Variants in PCDH10 observed in about 807,000 individuals in gnomAD.
PCDH10 encodes the protein protocadherin-10.
In PCDH10, 15 loss-of-function variants were observed where a neutral mutation model predicts 74.4. The ratio of observed to expected loss-of-function variants is 0.20; its 90% CI spans 0.13 to 0.31. PCDH10 has a LOEUF of 0.31. PCDH10 is among the 10% of genes least tolerant of loss of function. PCDH10 has a pLI of 1.00. For missense variants in PCDH10, 1,260 were observed against 1,390.2 expected (o/e 0.91, Z 1.49); for synonymous variants, 619 against 589.8 (o/e 1.05, Z -0.72).
chr4:133,186,233 C>T (rs1463496001), intron 4 of PCDH10, among the ~76,000 whole-genome samples: 2 of 152,002 alleles, frequency 1.3e-5, no homozygotes, highest in Admixed American at 1.3e-4. Context: ...TACATTTTCA[C>T]CTGTGGTTTA....
At chr4:133,182,091 C>T (rs1466953587) in intron 4 of PCDH10, among the ~76,000 whole-genome samples, 2 of 151,834 alleles carry the variant, frequency 1.3e-5, no homozygotes, top group Non-Finnish European at 2.9e-5. Context: ...ACTTGATTTT[C>T]GTATAAAAGA....
chr4:133,205,457 T>C (rs185003567), intron 2 of PCDH10, among the ~76,000 whole-genome samples: 364 of 152,284 alleles, frequency 2.4e-3, no homozygotes, highest in African/African-American at 7.7e-3. Flanking sequence ...AGAATCTCTT[T>C]GTGATTAAGG....
intron 2 of PCDH10, among the ~76,000 whole-genome samples, chr4:133,200,429 T>G (rs1727881411): frequency 6.6e-6 from 1 of 152,030 alleles, no homozygotes. Context: ...AAAATGTTAA[T>G]AAAATATTTA....
chr4:133,152,001 G>C lies in PCDH10; in HGVS notation c.1861G>C (p.Val621Leu). Residue 621 changes from valine (V) to leucine (L), a missense_variant, in exon 1 of 5, where the codon GTG becomes CTG. By Grantham distance (32) the Val-to-Leu change is conservative (BLOSUM62 1). This residue lies in a region of PCDH10 where 587 missense variants were observed against 616.9 expected (regional missense o/e 0.95). Transcript: ENST00000264360. ...GENARLTYSI[V>L]RGNEMNLFRM... is the part of the protein sequence containing the mutation. ...GAACGCCCGGCTCACTTACAGCATC[G>C]TGCGTGGCAACGAAATGAACCTCTT... 1 of 1,612,742 alleles carries C rather than the reference G, an allele frequency of 6.2e-7. No individual in the cohort carries two copies.
chr4:133,188,008 G>A (rs1190535194), intron 4 of PCDH10, among the ~76,000 whole-genome samples: 2 of 151,994 alleles, frequency 1.3e-5, no homozygotes, highest in African/African-American at 4.8e-5. Flanking sequence ...ATTAGTTATA[G>A]GTTGACTATA....
At chr4:133,195,004 T>C (rs1210886880), downstream of PCDH10, among the ~76,000 whole-genome samples, 1 of 151,850 alleles carries the variant, frequency 6.6e-6, no homozygotes, top group South Asian at 2.1e-4. Context: ...CTTCAAGCAA[T>C]AAAAGAAAGG....
At chr4:133,182,260 C>T (rs867395444) in intron 4 of PCDH10, among the ~76,000 whole-genome samples, 1 of 151,962 alleles carries the variant, frequency 6.6e-6, no homozygotes, top group Non-Finnish European at 1.5e-5. Context: ...TTCAACCTCA[C>T]AGGAAAGGTG....
rs183467740 is a variant in PCDH10 at position 133,188,246 on chromosome 4, A to G, written c.3104-1895A>G. On this transcript the variant is annotated intron_variant, in intron 4 of 4. Transcript: ENST00000264360. ...ACTCACCAGTGGGTCCAGTTTAGACAACAAATTATTTGGTGACCGTAATGA... is the reference window on the plus strand; with the variant it reads ...ACTCACCAGTGGGTCCAGTTTAGACGACAAATTATTTGGTGACCGTAATGA... 8.7e-3 allele frequency among the ~76,000 whole-genome samples: 1,331 copies of G among 152,286 alleles called. 7 individuals are homozygous for G. Among genetic ancestry groups the G allele is most frequent in the Non-Finnish European group, 0.013 (854 of 68,004 alleles).
chr4:133,173,842 G>A (rs539827584), intron 4 of PCDH10, among the ~76,000 whole-genome samples: 2 of 151,826 alleles, frequency 1.3e-5, no homozygotes, highest in South Asian at 2.1e-4. Context: ...GATGCATAGA[G>A]TATAAATGCT....
At chr4:133,199,324 A>ATAATAAT (rs1553943471), downstream of PCDH10, among the ~76,000 whole-genome samples, 64 of 140,054 alleles carry the variant, frequency 4.6e-4, no homozygotes, top group Admixed American at 1.5e-3. Flanking sequence ...AATAATAATA[A>ATAATAAT]TAATTAATTA....
intron 4 of PCDH10, among the ~76,000 whole-genome samples, chr4:133,187,711 T>C (rs1361506879): frequency 6.6e-6 from 1 of 152,132 alleles, no homozygotes; most frequent in African/African-American, 2.4e-5. Flanking sequence ...AATTAAAAGA[T>C]GTCTTTTAAG....
At chr4:133,206,053 AG>A in intron 2 of PCDH10, among the ~76,000 whole-genome samples, 1 of 152,092 alleles carries the variant, frequency 6.6e-6, no homozygotes, top group Middle Eastern at 3.2e-3. Context: ...GGGCTTTTTG[AG>A]TATGTTTGTC....
At position 133,152,728 on chromosome 4, in the gene PCDH10, A is replaced by T. The variant is rs772554344; in HGVS notation, c.2588A>T (p.Gln863Leu). The T allele has an allele frequency of 1.2e-6, 2 of 1,614,236 alleles. No homozygotes were observed. The highest frequency in any genetic ancestry group is 1.7e-6 in the Non-Finnish European group (2 of 1,180,040). Reference protein sequence around the residue: ...CGAIVTGYTDQQPDIISNGSI... With the variant: ...CGAIVTGYTDLQPDIISNGSI... ...GCCATCGTCACCGGTTACACCGACC[A>T]GCAGCCTGATATCATCTCCAACGGA... is the stretch of plus-strand genomic sequence containing the variant. The change falls in exon 1 of 5, where the codon CAG becomes CTG. Residue 863 changes from glutamine (Q) to leucine (L), a missense_variant. Gln to Leu is a moderately radical substitution (Grantham distance 113, BLOSUM62 -2). This residue lies in a region of PCDH10 where 587 missense variants were observed against 616.9 expected (regional missense o/e 0.95). Coordinates refer to ENST00000264360, the MANE Select transcript of PCDH10 (RefSeq NM_032961.3).
chr4:133,190,072 A>G (rs1727627150), intron 4 of PCDH10, 69 bp from the exon 5 acceptor site: 2 of 1,281,342 alleles, frequency 1.6e-6, no homozygotes, highest in Non-Finnish European at 2.3e-6. Context: ...TTCTTTTACA[A>G]TAATGTGTAA....
At chr4:133,178,209 A>AGT (rs1448076212) in intron 4 of PCDH10, among the ~76,000 whole-genome samples, 2 of 151,902 alleles carry the variant, frequency 1.3e-5, no homozygotes, top group African/African-American at 4.8e-5. Context: ...ACAAAAAGCC[A>AGT]GTGTGTGTTT....
At chr4:133,199,289 A>AAATAAT (rs70957501), downstream of PCDH10, among the ~76,000 whole-genome samples, 22,596 of 136,442 alleles carry the variant, frequency 0.17, 2,117 homozygotes, top group Admixed American at 0.23. Context: ...CCCTGTCTCA[A>AAATAAT]AATAATAATA....
chr4:133,152,600 C>G lies in PCDH10; in HGVS notation c.2460C>G (p.Cys820Trp). The G allele has an allele frequency of 1.2e-6, 2 of 1,614,176 alleles. No homozygotes were observed. The highest frequency in any genetic ancestry group is 1.7e-6 in the Non-Finnish European group (2 of 1,180,030). The change falls in exon 1 of 5, where the codon TGC (cysteine) becomes TGG (tryptophan). Residue 820 changes from cysteine to tryptophan, a missense_variant. Cys to Trp is a radical substitution (Grantham distance 215, BLOSUM62 -2). Coordinates refer to ENST00000264360, the MANE Select transcript of PCDH10 (RefSeq NM_032961.3). ...CCCACCACCACAACCAGAATTACTGCTATCAGGTATGCCTGACCCCTGAGT... is the reference window on the plus strand; with the variant it reads ...CCCACCACCACAACCAGAATTACTGGTATCAGGTATGCCTGACCCCTGAGT... Reference protein sequence around the residue: ...FGSHHHNQNYCYQVCLTPESA... With the variant: ...FGSHHHNQNYWYQVCLTPESA...
chr4:133,156,513 ATTTTTGCCCTAT>A (rs1281948766), intron 3 of PCDH10, among the ~76,000 whole-genome samples: 1 of 152,176 alleles, frequency 6.6e-6, no homozygotes, highest in Non-Finnish European at 1.5e-5. Flanking sequence ...AGTCCCTTTC[ATTTTTGCCCTAT>A]ATATGGCATA....
intron 2 of PCDH10, among the ~76,000 whole-genome samples, chr4:133,201,431 C>T (rs1246453693): frequency 6.6e-6 from 1 of 151,970 alleles, no homozygotes; most frequent in African/African-American, 2.4e-5. Flanking sequence ...GAAGGCCCTG[C>T]ACAACAAAAA....
Sources: gnomAD v4.1 joint callset for allele counts (sites outside exome capture counted in the v4.1 genomes callset) on GRCh38, gnomAD v4.1.1 for gene constraint, gnomAD v4.1.1 regional missense constraint, MANE v1.5 for transcripts, NCBI Gene and HGNC (gene_info 2026-07-23, HGNC 2026-07-21) for gene names.